Variants in PTER observed in about 807,000 individuals in gnomAD.
PTER encodes the protein phosphotriesterase related, also known as N-acetyltaurine hydrolase.
In PTER, 38 loss-of-function variants were observed where a neutral mutation model predicts 29.6. That is an observed-to-expected ratio of 1.28 (90% confidence interval 0.99 to 1.68). The LOEUF is 1.68. Among genes scored for constraint, PTER ranks in the 40% most tolerant of loss-of-function variants. PTER has a pLI of 0.00. For missense variants in PTER, 482 were observed against 427.8 expected, an observed-to-expected ratio of 1.13 and a Z score of -1.12; for synonymous variants, 172 against 154.5, an observed-to-expected ratio of 1.11 and a Z score of -0.84.
At chr10:16,478,335 GT>G (rs34168657) in intron 1 of PTER, among the ~76,000 whole-genome samples, 354 of 140,184 alleles carry the variant, frequency 2.5e-3, no homozygotes, top group Non-Finnish European at 4.2e-3. Flanking sequence ...CCTCGTTTCC[GT>G]TTTTTTTTTT....
At chr10:16,446,647 A>G (rs1335973926) in intron 1 of PTER, among the ~76,000 whole-genome samples, 1 of 152,142 alleles carries the variant, frequency 6.6e-6, no homozygotes, top group Admixed American at 6.5e-5. Context: ...GTTTCTTAGC[A>G]TTAGAAACAT....
Position 16,452,278 on chromosome 10 carries a change from C to A in PTER, c.-49+15231C>A, listed in dbSNP as rs190265448. On this transcript the variant is annotated intron_variant, in intron 1 of 4. Coordinates refer to ENST00000535784, the MANE Select transcript of PTER (RefSeq NM_001261836.2). ...AGTTTTTGAAAGCACTGAAAAAAGC[C>A]AAGCAGATTATTGACTTTTTTTGTT... 1.6e-3 allele frequency among the ~76,000 whole-genome samples: 238 copies of A among 144,448 alleles called. 2 individuals are homozygous for A. Among genetic ancestry groups the A allele is most frequent in the African/African-American group, 5.8e-3 (222 of 38,436 alleles). 94.8% of individuals were successfully genotyped at this position (144,448 alleles called of 152,430 possible).
rs533354536 is a variant in PTER, at chr10:16,470,981, AGT to A, written c.-48-13351_-48-13350del. Among the ~76,000 whole-genome samples the A allele has an allele frequency of 2.8e-4, 42 of 152,002 alleles. 1 individual carries two copies. The highest frequency in any genetic ancestry group is 2.8e-3 in the Admixed American group (42 of 15,266). On this transcript the variant is annotated intron_variant, in intron 1 of 4. Coordinates refer to ENST00000535784, the MANE Select transcript of PTER (RefSeq NM_001261836.2). Reference sequence around the variant, plus strand: ...ATTTCCGCTGCTAACCCCTCATATGAGTGTGTTCAGATGAGATCTTGTTCCTG... The same window carrying A: ...ATTTCCGCTGCTAACCCCTCATATGAGTGTTCAGATGAGATCTTGTTCCTG...
intron 1 of PTER, among the ~76,000 whole-genome samples, chr10:16,459,096 A>G (rs949272393): frequency 1.3e-5 from 2 of 152,168 alleles, no homozygotes; most frequent in Admixed American, 6.5e-5. Context: ...CTTTCAGACT[A>G]TTCTCCATGC....
intron 3 of PTER, among the ~76,000 whole-genome samples, chr10:16,489,485 T>G (rs1213283157): frequency 2.0e-5 from 3 of 152,146 alleles, no homozygotes; most frequent in Non-Finnish European, 4.4e-5. Flanking sequence ...GTACAATTTT[T>G]TGTTGTAACA....
At chr10:16,486,224 T>C in intron 2 of PTER, 128 bp from the exon 3 acceptor site, 2 of 1,105,718 alleles carry the variant, frequency 1.8e-6, no homozygotes, top group Non-Finnish European at 2.5e-6. Flanking sequence ...CAATATTAAT[T>C]GATAAATACT....
intron 1 of PTER, among the ~76,000 whole-genome samples, chr10:16,471,472 A>C (rs754933192): frequency 6.6e-6 from 1 of 152,158 alleles, no homozygotes; most frequent in Non-Finnish European, 1.5e-5. Flanking sequence ...AAGGAAAAAA[A>C]ATGGTCGATC....
At chr10:16,477,282 A>AGATAGATAGATAGATC (rs1835308751) in intron 1 of PTER, among the ~76,000 whole-genome samples, 1 of 141,100 alleles carries the variant, frequency 7.1e-6, no homozygotes, top group East Asian at 2.1e-4. Context: ...ATAGATAGAT[A>AGATAGATAGATAGATC]GATAGATAGA....
intron 1 of PTER, among the ~76,000 whole-genome samples, chr10:16,442,676 C>T (rs1353427469): frequency 6.6e-6 from 1 of 152,046 alleles, no homozygotes; most frequent in Non-Finnish European, 1.5e-5. Flanking sequence ...TTTCTTCTCA[C>T]TTTATAAATT....
intron 1 of PTER, among the ~76,000 whole-genome samples, chr10:16,477,640 C>T (rs1835328426): frequency 6.6e-6 from 1 of 152,120 alleles, no homozygotes; most frequent in African/African-American, 2.4e-5. Flanking sequence ...ATGGGAAAAA[C>T]AGGTGTGGAG....
rs528030595 is a variant in PTER, at chr10:16,499,997, A to G, written c.699-5023A>G. 1.6e-4 allele frequency among the ~76,000 whole-genome samples: 25 copies of G among 152,066 alleles called. No homozygotes were observed. In the South Asian group the frequency reaches 5.2e-3, roughly 32 times the overall value. The stretch of plus-strand genomic sequence containing the variant: ...ACCCTCCCAGAGGCTTGGCCTCCCA[A>G]AGTGCTGGGATTACAGGCATGAGCC... On this transcript the variant is annotated intron_variant, in intron 3 of 4. Coordinates refer to ENST00000535784, the MANE Select transcript of PTER (RefSeq NM_001261836.2).
At chr10:16,461,746 A>T (rs1386646120) in intron 1 of PTER, among the ~76,000 whole-genome samples, 1 of 152,150 alleles carries the variant, frequency 6.6e-6, no homozygotes, top group African/African-American at 2.4e-5. Context: ...CTCTCAACAA[A>T]ATTTTGATTT....
At chr10:16,490,868 A>G (rs1361778306) in intron 3 of PTER, among the ~76,000 whole-genome samples, 1 of 151,774 alleles carries the variant, frequency 6.6e-6, no homozygotes, top group African/African-American at 2.4e-5. Flanking sequence ...CTTCTACCAC[A>G]GTAGTATTTC....
At chr10:16,459,851 G>A (rs192597953) in intron 1 of PTER, among the ~76,000 whole-genome samples, 15 of 152,196 alleles carry the variant, frequency 9.9e-5, no homozygotes, top group Middle Eastern at 3.4e-3. Flanking sequence ...GGGTTCAACC[G>A]AGTCTCCTGC....
downstream of PTER, among the ~76,000 whole-genome samples, chr10:16,518,734 T>C (rs1218455732): frequency 2.0e-5 from 3 of 152,226 alleles, no homozygotes; most frequent in Non-Finnish European, 2.9e-5. Context: ...TTCATTTTAA[T>C]TGATACCTCT....
At chr10:16,514,677 C>CTTG, downstream of PTER, 1 of 1,613,724 alleles carries the variant, frequency 6.2e-7, no homozygotes. Context: ...TAATTCTGAT[C>CTTG]AGCATCTTGG....
Position 16,510,474 on chromosome 10 carries a change from C to G in PTER, c.840-572C>G, listed in dbSNP as rs548839809. On this transcript the variant is annotated intron_variant, in intron 4 of 4. Coordinates refer to ENST00000535784, the MANE Select transcript of PTER (RefSeq NM_001261836.2). Reference sequence around the variant, plus strand: ...TTCAAAGGGGCAAATGGTTAAAATGCTGACCAACCTTTTTTCAGTGGCTTT... The same window carrying G: ...TTCAAAGGGGCAAATGGTTAAAATGGTGACCAACCTTTTTTCAGTGGCTTT... 1.1e-4 allele frequency among the ~76,000 whole-genome samples: 17 copies of G among 152,326 alleles called. No individual in the cohort carries two copies. The East Asian group carries it at 3.3e-3, about 29-fold the overall frequency.
intron 4 of PTER, 32 bp downstream of exon 4, chr10:16,505,192 C>G (rs879695332): frequency 1.4e-5 from 23 of 1,609,606 alleles, no homozygotes; most frequent in Admixed American, 3.3e-5. Flanking sequence ...ATAGCATTCC[C>G]TTTCCCTAGC....
At chr10:16,445,877 C>T (rs1833995946) in intron 1 of PTER, among the ~76,000 whole-genome samples, 1 of 152,154 alleles carries the variant, frequency 6.6e-6, no homozygotes, top group Admixed American at 6.5e-5. Context: ...TCCAAGTCCT[C>T]TCAGCCTCCA....
Sources: gnomAD v4.1 joint callset for allele counts (sites outside exome capture counted in the v4.1 genomes callset) on GRCh38, gnomAD v4.1.1 for gene constraint, MANE v1.5 for transcripts, NCBI Gene and HGNC (gene_info 2026-07-23, HGNC 2026-07-21) for gene names.